Variants in LHFPL2 observed in about 807,000 individuals in gnomAD.
LHFPL2 encodes the protein LHFPL tetraspan subfamily member 2 protein.
In LHFPL2, 7 loss-of-function variants were observed where a neutral mutation model predicts 17.5. The observed-to-expected ratio is 0.40, with a 90% CI of 0.23 to 0.75. LHFPL2 has a LOEUF of 0.75. LHFPL2 is among the 30% of genes least tolerant of loss of function. The pLI is 0.37. For synonymous variants in LHFPL2, 134 were observed against 116.2 expected (o/e 1.15, Z -0.99); for missense variants, 241 against 294.8 (o/e 0.82, Z 1.34).
At position 78,510,260 on chromosome 5, in the gene LHFPL2, CA is replaced by C. The variant is rs1755072003; in HGVS notation, c.-48del. 6.6e-7 allele frequency: 1 copy of C among 1,512,988 alleles called. No individual in the cohort carries two copies. Among genetic ancestry groups the C allele is most frequent in the Non-Finnish European group, 8.9e-7 (1 of 1,127,396 alleles). The allele number at this position is 1,512,988 out of a possible 1,614,324, so 93.7% of individuals were successfully genotyped here. A position where few individuals can be genotyped will look rare whatever the true frequency, so the allele number is the denominator to read the frequency against. On this transcript the variant is annotated 5_prime_UTR_variant, in exon 4 of 5. It removes the in-frame stop codon of an upstream open reading frame in the 5' UTR. Coordinates refer to ENST00000380345, the MANE Select transcript of LHFPL2 (RefSeq NM_005779.3). ...AGAGTCAGGAGTCCACGGAGTTAAT[CA>C]AAACAAGAAAGTCGGTGGGGAAGGA...
chr5:78,599,069 G>A (rs1177185835), intron 2 of LHFPL2, among the ~76,000 whole-genome samples: 1 of 152,088 alleles, frequency 6.6e-6, no homozygotes, highest in Non-Finnish European at 1.5e-5. Flanking sequence ...TGCGCTCACT[G>A]CACTTGTTGG....
At chr5:78,627,830 G>T (rs1745107466) in intron 2 of LHFPL2, among the ~76,000 whole-genome samples, 1 of 152,192 alleles carries the variant, frequency 6.6e-6, no homozygotes, top group Non-Finnish European at 1.5e-5. Context: ...AAAGGAATTT[G>T]TCCGATGACC....
intron 1 of LHFPL2, among the ~76,000 whole-genome samples, chr5:78,642,618 C>A (rs1184486605): frequency 6.6e-6 from 1 of 152,144 alleles, no homozygotes; most frequent in East Asian, 1.9e-4. Flanking sequence ...AGAGGGAGGC[C>A]TCCCTACAAA....
intron 3 of LHFPL2, among the ~76,000 whole-genome samples, chr5:78,528,133 T>C (rs1755673595): frequency 6.6e-6 from 1 of 152,250 alleles, no homozygotes; most frequent in South Asian, 2.1e-4. Context: ...TTGTGGGCAC[T>C]TAGTCACAGA....
chr5:78,606,383 AT>A (rs1280138811), intron 2 of LHFPL2, among the ~76,000 whole-genome samples: 2 of 152,222 alleles, frequency 1.3e-5, no homozygotes, highest in African/African-American at 4.8e-5. Context: ...CAAGACAGAA[AT>A]TTATTAAATG....
chr5:78,508,598 G>A (rs886851058), intron 4 of LHFPL2, among the ~76,000 whole-genome samples: 1 of 152,178 alleles, frequency 6.6e-6, no homozygotes, highest in Non-Finnish European at 1.5e-5. Context: ...CTGTTTATTT[G>A]GAAGCCAGCC....
At chr5:78,579,448 C>T (rs1195400044) in intron 2 of LHFPL2, among the ~76,000 whole-genome samples, 7 of 152,224 alleles carry the variant, frequency 4.6e-5, no homozygotes, top group Middle Eastern at 3.4e-3. Flanking sequence ...CCCACTAACT[C>T]GTCATCTAGC....
intron 2 of LHFPL2, among the ~76,000 whole-genome samples, chr5:78,584,539 G>A (rs1743291497): frequency 1.3e-5 from 2 of 152,148 alleles, no homozygotes; most frequent in Admixed American, 6.5e-5. Flanking sequence ...GGAGTACCGG[G>A]CCGTGTGAGG....
intron 1 of LHFPL2, among the ~76,000 whole-genome samples, chr5:78,646,715 C>T (rs1212599107): frequency 2.0e-5 from 3 of 152,092 alleles, no homozygotes; most frequent in African/African-American, 7.2e-5. Flanking sequence ...TGGACTTTTC[C>T]TCCCTGCCCA....
chr5:78,509,259 C>A (rs1469429884), intron 4 of LHFPL2, among the ~76,000 whole-genome samples: 2 of 152,220 alleles, frequency 1.3e-5, no homozygotes, highest in African/African-American at 4.8e-5. Context: ...GCAGCTGATA[C>A]TAATTCCTTC....
intron 2 of LHFPL2, among the ~76,000 whole-genome samples, chr5:78,566,709 C>T (rs1342075895): frequency 3.3e-5 from 5 of 152,344 alleles, no homozygotes; most frequent in African/African-American, 1.2e-4. Flanking sequence ...CCACCCGCCC[C>T]GGCCTCCCAA....
chr5:78,537,697 AC>A, intron 3 of LHFPL2, among the ~76,000 whole-genome samples: 1 of 152,260 alleles, frequency 6.6e-6, no homozygotes, highest in East Asian at 1.9e-4. Context: ...CATATTTTTC[AC>A]CCTCAAAATG....
At chr5:78,559,718 TA>T (rs1286248028) in intron 3 of LHFPL2, among the ~76,000 whole-genome samples, 1 of 152,246 alleles carries the variant, frequency 6.6e-6, no homozygotes, top group Non-Finnish European at 1.5e-5. Context: ...AGAAGGTTGT[TA>T]CACTTTCTCT....
intron 3 of LHFPL2, among the ~76,000 whole-genome samples, chr5:78,528,029 C>T (rs886797584): frequency 9.8e-5 from 15 of 152,352 alleles, no homozygotes; most frequent in African/African-American, 3.6e-4. Context: ...CATCTCTGAA[C>T]CACCACTATC....
chr5:78,534,203 G>A (rs1362153869), intron 3 of LHFPL2, among the ~76,000 whole-genome samples: 2 of 152,232 alleles, frequency 1.3e-5, no homozygotes, highest in Non-Finnish European at 2.9e-5. Flanking sequence ...AGCAGAGGGG[G>A]CTCTCAGGAG....
chr5:78,543,698 T>C (rs1394503935), intron 3 of LHFPL2, among the ~76,000 whole-genome samples: 1 of 151,992 alleles, frequency 6.6e-6, no homozygotes, highest in African/African-American at 2.4e-5. Flanking sequence ...GGGACCAAGG[T>C]GAGGCTGAAG....
chr5:78,560,168 C>T (rs1756687618), intron 3 of LHFPL2, among the ~76,000 whole-genome samples: 1 of 152,216 alleles, frequency 6.6e-6, no homozygotes, highest in African/African-American at 2.4e-5. Flanking sequence ...TGTGGCCTAT[C>T]CTCAAACCCA....
chr5:78,619,047 G>C (rs1470308834), intron 2 of LHFPL2, among the ~76,000 whole-genome samples: 1 of 151,718 alleles, frequency 6.6e-6, no homozygotes, highest in Non-Finnish European at 1.5e-5. Context: ...TTTTTTTGAG[G>C]CAAGGTCTGG....
chr5:78,627,005 C>T (rs1459238032), intron 2 of LHFPL2, among the ~76,000 whole-genome samples: 4 of 151,992 alleles, frequency 2.6e-5, no homozygotes, highest in Non-Finnish European at 5.9e-5. Context: ...TGCTTGAACC[C>T]GGGAGGCAGA....
Sources: allele counts gnomAD v4.1 joint callset (sites outside exome capture counted in the v4.1 genomes callset), GRCh38; gene constraint gnomAD v4.1.1; transcripts MANE v1.5; gene names NCBI Gene and HGNC (gene_info 2026-07-23, HGNC 2026-07-21).